Variants in SENP2 observed in about 807,000 individuals in gnomAD.
SENP2 encodes the protein SUMO specific peptidase 2, also known as sentrin-specific protease 2.
SENP2 carries 16 observed loss-of-function variants against 86.3 expected under a neutral mutation model. The observed-to-expected ratio is 0.19, with a 90% CI of 0.13 to 0.28. The LOEUF is 0.28. SENP2 is among the 10% of genes least tolerant of loss of function. SENP2 has a pLI of 1.00. For synonymous variants in SENP2, 222 were observed against 238.7 expected (o/e 0.93, Z 0.64); for missense variants, 552 against 703.0 (o/e 0.79, Z 2.43).
Position 185,606,357 on chromosome 3 carries a change from T to C in SENP2, c.477T>C (p.Asn159=), listed in dbSNP as rs1162883431. 6.2e-7 allele frequency: 1 copy of C among 1,610,388 alleles called. No individual in the cohort carries two copies. The highest frequency in any genetic ancestry group is 8.5e-7 in the Non-Finnish European group (1 of 1,179,096). Reference sequence around the variant, plus strand: ...TTACTTTGAACTCAGAAGGCTGTAATAGAAGACCAGGTGGCCGTCGCCATA... The same window carrying C: ...TTACTTTGAACTCAGAAGGCTGTAACAGAAGACCAGGTGGCCGTCGCCATA... ...FGFTLNSEGC[N]RRPGGRRHSK... The change falls in exon 6 of 17, where the codon AAT becomes AAC. Residue 159 remains asparagine (N), a synonymous_variant. Coordinates refer to ENST00000296257, the MANE Select transcript of SENP2 (RefSeq NM_021627.3).
At chr3:185,621,166 A>T (rs1023358209) in intron 13 of SENP2, among the ~76,000 whole-genome samples, 9 of 148,688 alleles carry the variant, frequency 6.1e-5, no homozygotes, top group Non-Finnish European at 1.0e-4. Context: ...CAAAAAAAAA[A>T]AAAAAAAAAA....
At chr3:185,618,535 G>T (rs910174211) in intron 12 of SENP2, among the ~76,000 whole-genome samples, 1 of 152,068 alleles carries the variant, frequency 6.6e-6, no homozygotes, top group Admixed American at 6.6e-5. Context: ...TTTGTTTATC[G>T]TAGAATATTT....
intron 5 of SENP2, 72 bp downstream of exon 5, chr3:185,600,927 A>C: frequency 4.6e-6 from 5 of 1,083,638 alleles, no homozygotes; most frequent in Non-Finnish European, 7.1e-6. Context: ...AGGCAGTCTC[A>C]CTTTTGTTGT....
chr3:185,613,237 T>G (rs986620951), intron 9 of SENP2, 108 bp from the exon 10 acceptor site: 6 of 729,750 alleles, frequency 8.2e-6, no homozygotes, highest in Non-Finnish European at 1.4e-5. Flanking sequence ...TTATGTAAAC[T>G]CAACACAATT....
intron 12 of SENP2, among the ~76,000 whole-genome samples, chr3:185,618,179 G>T (rs1711694401): frequency 6.6e-6 from 1 of 152,180 alleles, no homozygotes; most frequent in Admixed American, 6.5e-5. Context: ...CTGGACCTCA[G>T]GTGATCCGCC....
intron 11 of SENP2, among the ~76,000 whole-genome samples, chr3:185,615,460 C>A (rs996208240): frequency 6.6e-6 from 1 of 152,186 alleles, no homozygotes; most frequent in Admixed American, 6.5e-5. Flanking sequence ...TCTCCTGGCT[C>A]AGCCTCCCTA....
At chr3:185,603,539 G>C (rs930297019) in intron 5 of SENP2, among the ~76,000 whole-genome samples, 5 of 152,206 alleles carry the variant, frequency 3.3e-5, no homozygotes, top group Admixed American at 3.3e-4. Context: ...TGCATGCAAT[G>C]TGAGATCCTG....
intron 10 of SENP2, 36 bp downstream of exon 10, chr3:185,613,444 T>G (rs751353186): frequency 1.7e-5 from 22 of 1,291,590 alleles, no homozygotes; most frequent in Non-Finnish European, 2.5e-5. Flanking sequence ...GATACCTGTT[T>G]ACTTATGTAA....
chr3:185,597,741 C>T (rs763955001), intron 2 of SENP2, among the ~76,000 whole-genome samples: 1 of 151,486 alleles, frequency 6.6e-6, no homozygotes, highest in Non-Finnish European at 1.5e-5. Context: ...ACAACCTCTG[C>T]CTCCTGGGTT....
intron 2 of SENP2, among the ~76,000 whole-genome samples, chr3:185,594,620 CTTTTT>C (rs11317593): frequency 7.3e-6 from 1 of 137,358 alleles, no homozygotes; most frequent in Admixed American, 7.4e-5. Flanking sequence ...GGCTCATGAT[CTTTTT>C]TTTTTTTTTT....
At position 185,609,295 on chromosome 3, in the gene SENP2, C is replaced by T; in HGVS notation, c.667C>T (p.Leu223Phe). Residue 223 changes from leucine to phenylalanine, a missense_variant, in exon 7 of 17, where the codon CTT (leucine) becomes TTT (phenylalanine). Leu to Phe is a conservative substitution (Grantham distance 22). This residue lies in a region of SENP2 where 383 missense variants were observed against 427.3 expected (regional missense o/e 0.90). Transcript: ENST00000296257. ...REKYRKLLERLKESGHGNSVC... is the reference protein window; with the variant it reads ...REKYRKLLERFKESGHGNSVC... ...GAAGTACCGAAAGTTATTGGAACGA[C>T]TTAAAGAAAGTGGTCATGGAAACTC... 2 of 1,613,798 alleles carry T rather than the reference C, an allele frequency of 1.2e-6. No homozygotes were observed.
Position 185,598,477 on chromosome 3 carries a change from C to G in SENP2, c.223C>G (p.Gln75Glu). The change falls in exon 3 of 17, where the codon CAG (glutamine) becomes GAG (glutamate). Residue 75 changes from glutamine to glutamate, a missense_variant. By Grantham distance (29) the Gln-to-Glu change is conservative. Around this residue, in one of 2 missense-constraint regions of SENP2, gnomAD observed 383 missense variants for 427.3 expected, o/e 0.90. Coordinates refer to ENST00000296257, the MANE Select transcript of SENP2 (RefSeq NM_021627.3). ...TGCCAGCTTATTTGGATTCCCATTCCAGCTGACCACAAAGCCCATGGTAAC... is the reference window on the plus strand; with the variant it reads ...TGCCAGCTTATTTGGATTCCCATTCGAGCTGACCACAAAGCCCATGGTAAC... ...NAASLFGFPF[Q>E]LTTKPMVTSA... The G allele has an allele frequency of 6.2e-7, 1 of 1,614,022 alleles. No homozygotes were observed. The highest frequency in any genetic ancestry group is 1.3e-5 in the African/African-American group (1 of 75,018).
chr3:185,605,083 A>T (rs1027820032), intron 5 of SENP2, among the ~76,000 whole-genome samples: 1 of 150,588 alleles, frequency 6.6e-6, no homozygotes, highest in Non-Finnish European at 1.5e-5. Flanking sequence ...GAATAAGGGC[A>T]TTCAAGACTG....
intron 11 of SENP2, among the ~76,000 whole-genome samples, chr3:185,616,345 C>T (rs1035463733): frequency 5.2e-4 from 78 of 149,496 alleles, no homozygotes; most frequent in Middle Eastern, 3.6e-3. Context: ...GTGGTGTGCA[C>T]CTGTAATTCC....
At chr3:185,610,399 T>C (rs1722649105) in intron 7 of SENP2, among the ~76,000 whole-genome samples, 1 of 152,010 alleles carries the variant, frequency 6.6e-6, no homozygotes, top group African/African-American at 2.4e-5. Flanking sequence ...TGATCTCAGG[T>C]AGTCCACCAG....
intron 11 of SENP2, 68 bp downstream of exon 11, chr3:185,614,808 A>G: frequency 6.6e-7 from 1 of 1,510,960 alleles, no homozygotes. Context: ...TCTAACTTGA[A>G]TGTTTTGTTT....
chr3:185,632,536 GT>G lies in SENP2; in HGVS notation c.*2697del. The G allele has an allele frequency of 7.4e-6, 1 of 135,460 alleles. No individual in the cohort carries two copies. The highest frequency in any genetic ancestry group is 1.6e-5 in the Non-Finnish European group (1 of 63,872). The allele number at this position is 135,460 out of a possible 1,614,324, so 8.4% of individuals were successfully genotyped here. ...AGTCATGAGCCACCTCACCCAGCCTGTTTTTGAGACGGAGTTTCACTTTTGT... is the reference window on the plus strand; with the variant it reads ...AGTCATGAGCCACCTCACCCAGCCTGTTTTGAGACGGAGTTTCACTTTTGT... On this transcript the variant is annotated 3_prime_UTR_variant, in exon 17 of 17. Transcript: ENST00000296257.
intron 6 of SENP2, chr3:185,606,974 A>T: frequency 4.1e-6 from 1 of 246,754 alleles, no homozygotes. Context: ...TATGTTATAT[A>T]TTTCTTTTTT....
At position 185,592,640 on chromosome 3, in the gene SENP2, G is replaced by A. The variant is rs950466462; in HGVS notation, c.157+2471G>A. On this transcript the variant is annotated intron_variant, in intron 2 of 16. Coordinates refer to ENST00000296257, the MANE Select transcript of SENP2 (RefSeq NM_021627.3). ...TCTCCTTTTTTTTTTTTTTTGAGATGGAGTCTTGCTCTGTTGCTCAGGCTG... is the reference window on the plus strand; with the variant it reads ...TCTCCTTTTTTTTTTTTTTTGAGATAGAGTCTTGCTCTGTTGCTCAGGCTG... 6.7e-4 allele frequency among the ~76,000 whole-genome samples: 98 copies of A among 147,144 alleles called. 1 individual carries two copies. The highest frequency in any genetic ancestry group is 2.4e-3 in the African/African-American group (96 of 40,060).
Sources: gnomAD v4.1 joint callset for allele counts (sites outside exome capture counted in the v4.1 genomes callset) on GRCh38, gnomAD v4.1.1 for gene constraint, gnomAD v4.1.1 regional missense constraint, MANE v1.5 for transcripts, NCBI Gene and HGNC (gene_info 2026-07-23, HGNC 2026-07-21) for gene names.